CFAP251: variants seen among roughly 807,000 people sequenced by gnomAD.
CFAP251 encodes cilia and flagella associated protein 251.
In CFAP251, 93 loss-of-function variants were observed where a neutral mutation model predicts 126.7. The ratio of observed to expected loss-of-function variants is 0.73; its 90% confidence interval spans 0.62 to 0.87. The LOEUF is 0.87. Ranked by LOEUF, CFAP251 falls within the 40% of genes least tolerant of loss-of-function variation. The pLI, the probability that CFAP251 is intolerant of heterozygous loss-of-function variation, is 0.00. For synonymous variants in CFAP251, 503 were observed against 506.9 expected, an observed-to-expected ratio of 0.99 and a Z score of 0.10; for missense variants, 1,287 against 1,389.2, an observed-to-expected ratio of 0.93 and a Z score of 1.17.
At chr12:121,990,278 AC>A (rs1882846469) in intron 19 of CFAP251, among the ~76,000 whole-genome samples, 1 of 152,076 alleles carries the variant, frequency 6.6e-6, no homozygotes, top group Non-Finnish European at 1.5e-5. Flanking sequence ...CAGGAGGTGG[AC>A]CCTTCTCTAT....
intron 19 of CFAP251, among the ~76,000 whole-genome samples, chr12:121,988,993 C>G (rs1295040395): frequency 6.6e-6 from 1 of 152,142 alleles, no homozygotes; most frequent in Non-Finnish European, 1.5e-5. Flanking sequence ...AACTTGGCCT[C>G]CCAAAGTGCT....
intron 5 of CFAP251, among the ~76,000 whole-genome samples, chr12:121,936,353 G>A (rs987284336): frequency 3.9e-5 from 6 of 152,190 alleles, no homozygotes; most frequent in African/African-American, 1.2e-4. Context: ...AGGCTGAGGC[G>A]GGAAGATGGC....
intron 16 of CFAP251, 109 bp from the exon 17 acceptor site, chr12:121,967,897 C>A: frequency 2.0e-6 from 2 of 1,008,828 alleles, no homozygotes; most frequent in Non-Finnish European, 2.9e-6. Flanking sequence ...TGGGTCCAGA[C>A]ACACAGGTCC....
chr12:122,001,229 T>C (rs1565927799), intron 20 of CFAP251, among the ~76,000 whole-genome samples: 1 of 151,838 alleles, frequency 6.6e-6, no homozygotes, highest in Non-Finnish European at 1.5e-5. Context: ...CTAATTTTTG[T>C]ATTTTTAGTA....
intron 5 of CFAP251, among the ~76,000 whole-genome samples, chr12:121,936,561 G>A (rs572954586): frequency 6.6e-5 from 10 of 152,180 alleles, no homozygotes; most frequent in Non-Finnish European, 1.2e-4. Context: ...GGGGGATACT[G>A]TGGGGCTGAA....
intron 17 of CFAP251, among the ~76,000 whole-genome samples, chr12:121,968,544 C>T (rs964545114): frequency 1.8e-4 from 27 of 152,264 alleles, no homozygotes; most frequent in Admixed American, 7.2e-4. Context: ...CTCTTCTCAC[C>T]CTCCCTGCCC....
chr12:121,958,720 G>T (rs1881819256), intron 12 of CFAP251, among the ~76,000 whole-genome samples, 198 bp downstream of exon 12: 1 of 151,724 alleles, frequency 6.6e-6, no homozygotes, highest in South Asian at 2.1e-4. Context: ...CAGCAGGCTG[G>T]ATGAGGCGCC....
chr12:121,992,219 G>A (rs1882892388), intron 19 of CFAP251: 1 of 985,442 alleles, frequency 1.0e-6, no homozygotes, highest in Non-Finnish European at 1.2e-6. Flanking sequence ...TCTATTTCCA[G>A]CTCCGAGGTT....
intron 13 of CFAP251, among the ~76,000 whole-genome samples, chr12:121,960,041 G>A (rs147849062): frequency 6.6e-6 from 1 of 152,000 alleles, no homozygotes; most frequent in Non-Finnish European, 1.5e-5. Context: ...GCTGAGGCTG[G>A]AGGATCTTTT....
intron 19 of CFAP251, among the ~76,000 whole-genome samples, chr12:121,991,941 C>T (rs755154385): frequency 3.3e-5 from 5 of 152,034 alleles, no homozygotes; most frequent in African/African-American, 9.7e-5. Context: ...TGCTGTGATC[C>T]GAGATCACGC....
intron 8 of CFAP251, chr12:121,950,501 A>G (rs868768480): frequency 6.6e-6 from 1 of 152,142 alleles, no homozygotes; most frequent in Non-Finnish European, 1.5e-5. Context: ...CAAAACCAAA[A>G]CACATTGAGT....
At chr12:121,949,889 T>A (rs930583089) in intron 8 of CFAP251, 3 of 152,178 alleles carry the variant, frequency 2.0e-5, no homozygotes, top group African/African-American at 7.2e-5. Context: ...AGTGAGACTC[T>A]GTCTCAACAA....
At chr12:121,992,562 A>G (rs377702871) in intron 19 of CFAP251, 1 of 864,686 alleles carries the variant, frequency 1.2e-6, no homozygotes, top group East Asian at 1.2e-4. Flanking sequence ...ATATTTATAT[A>G]TATTATTTCT....
Position 121,992,615 on chromosome 12 carries a change from T to A in CFAP251, c.3007-7101T>A, listed in dbSNP as rs991243973. 3 of 651,462 alleles carry A rather than the reference T, an allele frequency of 4.6e-6. No individual in the cohort carries two copies. The African/African-American group carries it at 5.9e-5, about 13-fold the overall frequency. 40.4% of individuals were successfully genotyped at this position (651,462 alleles called of 1,614,324 possible). A position where few individuals can be genotyped will look rare whatever the true frequency, so the allele number is the denominator to read the frequency against. On this transcript the variant is annotated intron_variant, in intron 19 of 21. Coordinates refer to ENST00000288912, the MANE Select transcript of CFAP251 (RefSeq NM_144668.6). The stretch of plus-strand genomic sequence containing the variant: ...GACAGGGTCTTACTCCTCACTCCTG[T>A]TGCCCAGGCTGGAGTGCAGTGGCAC...
chr12:121,942,627 C>T lies in CFAP251; in HGVS notation c.1092C>T (p.Ile364=), dbSNP rs759199805. The T allele has an allele frequency of 9.9e-6, 16 of 1,612,632 alleles. No homozygotes were observed. The highest frequency in any genetic ancestry group is 1.3e-5 in the Non-Finnish European group (15 of 1,179,938). ...MTHDAKYLAT[I]SDAEVQKVCI... is the part of the protein sequence containing the mutation. Reference sequence around the variant, plus strand: ...ACGACGCCAAGTATCTGGCAACCATCTCAGATGCTGAAGTCCAGGTAAAGG... The same window carrying T: ...ACGACGCCAAGTATCTGGCAACCATTTCAGATGCTGAAGTCCAGGTAAAGG... The change falls in exon 6 of 22, where the codon ATC becomes ATT. Residue 364 remains isoleucine, a synonymous_variant. Coordinates refer to ENST00000288912, the MANE Select transcript of CFAP251 (RefSeq NM_144668.6).
In CFAP251 at chr12:121,931,833, G is replaced by C. The variant is rs1353479906; in HGVS notation, c.835G>C (p.Ala279Pro). Residue 279 changes from alanine (A) to proline (P), a missense_variant, in exon 4 of 22, where the codon GCT becomes CCT. Physicochemically the swap from Ala to Pro is conservative, Grantham distance 27 (BLOSUM62 -1). Transcript: ENST00000288912. ...ERQRVLLYVC[A>P]HTAIIYNVFR... Reference sequence around the variant, plus strand: ...GCAGAGAGTTCTTCTGTATGTTTGTGCTCACACTGCGATCATCTACAACGT... The same window carrying C: ...GCAGAGAGTTCTTCTGTATGTTTGTCCTCACACTGCGATCATCTACAACGT... 1.9e-6 allele frequency: 3 copies of C among 1,605,260 alleles called. No individual in the cohort carries two copies. In the African/African-American group the frequency reaches 4.0e-5, roughly 22 times the overall value.
At chr12:121,995,086 A>G (rs1261483230) in intron 19 of CFAP251, among the ~76,000 whole-genome samples, 2 of 152,264 alleles carry the variant, frequency 1.3e-5, no homozygotes, top group Non-Finnish European at 2.9e-5. Flanking sequence ...AGCCCAATGC[A>G]TACGTATTAC....
At chr12:121,977,499 A>C (rs1882489559) in intron 19 of CFAP251, among the ~76,000 whole-genome samples, 1 of 152,030 alleles carries the variant, frequency 6.6e-6, no homozygotes. Context: ...TCTCTACTAA[A>C]AAATACAAAA....
At chr12:121,957,703 CAAAAAAAA>C (rs11416000) in intron 11 of CFAP251, among the ~76,000 whole-genome samples, 1 of 110,978 alleles carries the variant, frequency 9.0e-6, no homozygotes, top group Non-Finnish European at 1.8e-5. Flanking sequence ...GACTCTGTCT[CAAAAAAAA>C]AAAAAAAAAA....
Sources: gnomAD v4.1 joint callset for allele counts (sites outside exome capture counted in the v4.1 genomes callset) on GRCh38, gnomAD v4.1.1 for gene constraint, MANE v1.5 for transcripts, NCBI Gene and HGNC (gene_info 2026-07-23, HGNC 2026-07-21) for gene names.